The following SLAMF9 variants were observed in gnomAD, a reference collection of about 807,000 sequenced individuals.
SLAMF9 encodes SLAM family member 9.
In SLAMF9, 25 loss-of-function variants were observed where a neutral mutation model predicts 30.4. That is an observed-to-expected ratio of 0.82 (90% CI 0.60 to 1.15). The LOEUF is 1.15. Ranked by LOEUF, SLAMF9 falls within the 50% of genes most tolerant of loss-of-function variation. The pLI is 0.00. For synonymous variants in SLAMF9, 129 were observed against 127.2 expected, an observed-to-expected ratio of 1.01 and a Z score of -0.09; for missense variants, 344 against 346.1, an observed-to-expected ratio of 0.99 and a Z score of 0.05.
chr1:159,980,715 A>AT, the SLAMF9 span: 1 of 152,036 alleles, frequency 6.6e-6, no homozygotes, highest in Non-Finnish European at 1.5e-5. Context: ...CTAATTTTAT[A>AT]TTGTTAGTAG....
At chr1:159,983,208 C>A in the SLAMF9 span, 2 of 152,226 alleles carry the variant, frequency 1.3e-5, no homozygotes, top group African/African-American at 4.8e-5. Context: ...CAACATGTGT[C>A]TTTCATCCTT....
chr1:159,964,438 A>C, the SLAMF9 span, among the ~76,000 whole-genome samples: 1 of 152,338 alleles, frequency 6.6e-6, no homozygotes, highest in East Asian at 1.9e-4. Context: ...GCAGGGAAGC[A>C]GGTGCAAAGC....
chr1:159,954,093 C>T lies in SLAMF9; in HGVS notation c.45G>A (p.Glu15=), dbSNP rs1420463279. 1.2e-6 allele frequency: 2 copies of T among 1,614,050 alleles called. No homozygotes were observed. The highest frequency in any genetic ancestry group is 1.1e-5 in the South Asian group (1 of 91,080). Residue 15 remains glutamate, a splice_region_variant and synonymous_variant, in exon 1 of 4, where the codon GAG becomes GAA. Coordinates refer to ENST00000368093, the MANE Select transcript of SLAMF9 (RefSeq NM_033438.4). ...GCACGAGCTGGCAGCTTCACTCACC[C>T]TCCTGGAGCAGCAGGAGAAGAAGCA... is the stretch of plus-strand genomic sequence containing the variant. ...PWLLLLLLLQ[E]GSQRRLWRWC... is the part of the protein sequence containing the mutation.
upstream of SLAMF9, among the ~76,000 whole-genome samples, chr1:159,957,425 A>C (rs1260412084): frequency 6.6e-6 from 1 of 152,178 alleles, no homozygotes; most frequent in Non-Finnish European, 1.5e-5. Flanking sequence ...AGAGATCAAG[A>C]CAATCCTGGC....
At chr1:159,971,878 C>T in the SLAMF9 span, among the ~76,000 whole-genome samples, 7 of 152,128 alleles carry the variant, frequency 4.6e-5, no homozygotes, top group Non-Finnish European at 1.0e-4. Flanking sequence ...TCCCCTGGCA[C>T]TCTGAGGAGT....
the SLAMF9 span, chr1:159,973,691 G>A: frequency 9.6e-7 from 1 of 1,040,866 alleles, no homozygotes; most frequent in South Asian, 1.4e-5. Context: ...GGCCCAGCAT[G>A]AGGGGCAGCC....
the SLAMF9 span, chr1:159,973,159 A>G: frequency 1.3e-6 from 2 of 1,534,154 alleles, no homozygotes; most frequent in South Asian, 1.1e-5. Flanking sequence ...TTGTGGAAGG[A>G]GAAAAGGAGC....
the SLAMF9 span, chr1:159,976,587 T>TGAA: frequency 1.3e-5 from 2 of 152,196 alleles, no homozygotes; most frequent in African/African-American, 4.8e-5. Flanking sequence ...CACATATATG[T>TGAA]TTCAATTAAA....
chr1:159,970,014 C>T, the SLAMF9 span, among the ~76,000 whole-genome samples: 363 of 152,196 alleles, frequency 2.4e-3, no homozygotes, highest in Non-Finnish European at 4.2e-3. Context: ...GAGCCGTGAT[C>T]GCACCTCTGC....
chr1:159,956,480 A>G (rs1425628018), upstream of SLAMF9, among the ~76,000 whole-genome samples: 1 of 151,932 alleles, frequency 6.6e-6, no homozygotes, highest in Non-Finnish European at 1.5e-5. Context: ...ACTCCCAGCC[A>G]GGGGTAAGAG....
At chr1:159,965,459 A>T in the SLAMF9 span, 2 of 152,218 alleles carry the variant, frequency 1.3e-5, no homozygotes, top group Admixed American at 6.5e-5. Flanking sequence ...ATGAGCTAAG[A>T]TTCAACACTC....
the SLAMF9 span, among the ~76,000 whole-genome samples, chr1:159,976,130 T>C: frequency 6.6e-6 from 1 of 151,816 alleles, no homozygotes; most frequent in African/African-American, 2.4e-5. Context: ...TGTAAGTTGT[T>C]TTTAACCTGT....
Position 159,951,516 on chromosome 1 carries a change from TTGCCAGCCAGTCTTC to T in SLAMF9, c.*130_*144del. On this transcript the variant is annotated 3_prime_UTR_variant, in exon 4 of 4. Transcript: ENST00000368093. ...GTTGTGGTCACTTAATTTGACTTTA[TTGCCAGCCAGTCTTC>T]CCTCAGAAGTATGGCTCTCTGGATA... 2 of 706,726 alleles carry T rather than the reference TTGCCAGCCAGTCTTC, an allele frequency of 2.8e-6. No individual in the cohort carries two copies. The highest frequency in any genetic ancestry group is 4.7e-6 in the Non-Finnish European group (2 of 428,424). 43.8% of individuals were successfully genotyped at this position (706,726 alleles called of 1,614,324 possible). A position where few individuals can be genotyped will look rare whatever the true frequency, so the allele number is the denominator to read the frequency against.
the SLAMF9 span, among the ~76,000 whole-genome samples, chr1:159,959,738 T>A: frequency 6.6e-6 from 1 of 152,136 alleles, no homozygotes; most frequent in Non-Finnish European, 1.5e-5. Context: ...AGTAAAGTTC[T>A]TTCCAAAGAA....
chr1:159,972,990 C>T, the SLAMF9 span: 1 of 1,364,494 alleles, frequency 7.3e-7, no homozygotes, highest in Non-Finnish European at 9.6e-7. Context: ...CTCCCTCGCT[C>T]ATTTACCCTG....
At chr1:159,980,218 C>G in the SLAMF9 span, among the ~76,000 whole-genome samples, 1 of 152,130 alleles carries the variant, frequency 6.6e-6, no homozygotes, top group Non-Finnish European at 1.5e-5. Context: ...CAGGCACCTC[C>G]CCACGGTGGG....
At chr1:159,952,093 G>A (rs1651765238) in intron 3 of SLAMF9, among the ~76,000 whole-genome samples, 169 bp downstream of exon 3, 1 of 152,162 alleles carries the variant, frequency 6.6e-6, no homozygotes, top group Non-Finnish European at 1.5e-5. Context: ...GGAAGTTGGG[G>A]GCACTAGAAA....
At chr1:159,972,020 C>T in the SLAMF9 span, among the ~76,000 whole-genome samples, 1 of 152,134 alleles carries the variant, frequency 6.6e-6, no homozygotes, top group South Asian at 2.1e-4. Context: ...GTCAATGGCT[C>T]ACCCCAGCAG....
the SLAMF9 span, among the ~76,000 whole-genome samples, chr1:159,975,288 C>T: frequency 1.3e-5 from 2 of 152,226 alleles, no homozygotes; most frequent in Non-Finnish European, 2.9e-5. Context: ...ACAGAGGGGG[C>T]ACAGAGAGGA....
Sources: allele counts gnomAD v4.1 joint callset (sites outside exome capture counted in the v4.1 genomes callset), GRCh38; gene constraint gnomAD v4.1.1; transcripts MANE v1.5; gene names NCBI Gene and HGNC (gene_info 2026-07-23, HGNC 2026-07-21).